Variants in SMARCD3 observed in about 807,000 individuals in gnomAD.
SMARCD3 encodes SWI/SNF related BAF chromatin remodeling complex subunit D3.
Under a neutral mutation model 58.0 loss-of-function variants are expected in SMARCD3, and 14 were observed. That is an observed-to-expected ratio of 0.24 (90% CI 0.16 to 0.38). The LOEUF (loss-of-function observed/expected upper bound fraction) is 0.38, where lower values mean the gene tolerates loss of function less well. SMARCD3 is among the 10% of genes least tolerant of loss of function. SMARCD3 has a pLI of 1.00. For synonymous variants in SMARCD3, 253 were observed against 253.8 expected, an observed-to-expected ratio of 1.00 and a Z score of 0.03; for missense variants, 408 against 636.9, an observed-to-expected ratio of 0.64 and a Z score of 3.87.
At chr7:151,264,012 G>A (rs1278092486) in intron 2 of SMARCD3, among the ~76,000 whole-genome samples, 2 of 151,262 alleles carry the variant, frequency 1.3e-5, no homozygotes, top group East Asian at 3.9e-4. Context: ...CTCTTGACCT[G>A]CAATGATCAG....
rs755924516 is a variant in SMARCD3 at position 151,248,690 on chromosome 7, G to C, written c.-128C>G. 2.1e-6 allele frequency: 3 copies of C among 1,404,388 alleles called. No homozygotes were observed. Among genetic ancestry groups the C allele is most frequent in the Non-Finnish European group, 2.8e-6 (3 of 1,068,364 alleles). 87.0% of individuals were successfully genotyped at this position (1,404,388 alleles called of 1,614,324 possible). On this transcript the variant is annotated 5_prime_UTR_variant, in exon 1 of 13. Coordinates refer to ENST00000262188, the MANE Select transcript of SMARCD3 (RefSeq NM_001003801.2). The surrounding 1 kb of genome is among the most constrained non-coding windows in gnomAD (Gnocchi z 6.1). ...GGCTCTCTCACACTTCTACTCGAGC[G>C]GAGTGGGGAGGGGGCCCCTTCAGGG...
At chr7:151,240,289 T>C in intron 9 of SMARCD3, 42 bp from the exon 10 acceptor site, 1 of 1,456,664 alleles carries the variant, frequency 6.9e-7, no homozygotes, top group Non-Finnish European at 9.0e-7. Flanking sequence ...GATGCCCCCA[T>C]ACGGCCCCAG....
Position 151,241,359 on chromosome 7 carries a change from G to C in SMARCD3, c.939+133C>G. 1 of 810,076 alleles carries C rather than the reference G, an allele frequency of 1.2e-6. No individual in the cohort carries two copies. Among genetic ancestry groups the C allele is most frequent in the Non-Finnish European group, 2.1e-6 (1 of 479,724 alleles). The allele number at this position is 810,076 out of a possible 1,614,324, so 50.2% of individuals were successfully genotyped here. A position where few individuals can be genotyped will look rare whatever the true frequency, so the allele number is the denominator to read the frequency against. Reference sequence around the variant, plus strand: ...ATCCTGGTCGGTCTCTTGGCTCCAAGACCATGACTGTGTACTGCTTCTGCT... The same window carrying C: ...ATCCTGGTCGGTCTCTTGGCTCCAACACCATGACTGTGTACTGCTTCTGCT... On this transcript the variant is annotated intron_variant, in intron 8 of 12. Transcript: ENST00000262188. The surrounding 1 kb of genome is among the most constrained non-coding windows in gnomAD (Gnocchi z 5.3).
chr7:151,263,137 G>A (rs1803970351), intron 2 of SMARCD3, among the ~76,000 whole-genome samples: 1 of 152,190 alleles, frequency 6.6e-6, no homozygotes, highest in Admixed American at 6.5e-5. Flanking sequence ...AGAGCTAGTA[G>A]GGGTAGAGCT....
intron 8 of SMARCD3, chr7:151,240,911 A>C: frequency 3.8e-6 from 1 of 264,306 alleles, no homozygotes; most frequent in Non-Finnish European, 7.3e-6. Context: ...AATACACATA[A>C]AGTGCTTGGG....
intron 2 of SMARCD3, chr7:151,275,058 T>G (rs1795300165): frequency 6.7e-7 from 1 of 1,498,180 alleles, no homozygotes; most frequent in Non-Finnish European, 9.2e-7. Flanking sequence ...GCTGGCCGAC[T>G]CGCCATGGGG....
chr7:151,275,322 A>T lies in SMARCD3; in HGVS notation c.-99-71T>A, dbSNP rs553437891. The T allele has an allele frequency of 1.2e-5, 8 of 651,600 alleles. No individual in the cohort carries two copies. In the Admixed American group the frequency reaches 1.7e-4, roughly 14 times the overall value. The allele number at this position is 651,600 out of a possible 1,614,324, so 40.4% of individuals were successfully genotyped here. On this transcript the variant is annotated intron_variant, in intron 1 of 13. Transcript: ENST00000356800. ...GGCCTCGGGAAGCTGCGAAGAAGCCAAACTCCCCGGAGTGGAGGTCTGAGG... is the reference window on the plus strand; with the variant it reads ...GGCCTCGGGAAGCTGCGAAGAAGCCTAACTCCCCGGAGTGGAGGTCTGAGG...
chr7:151,243,633 TGG>T lies in SMARCD3; in HGVS notation c.333+24_333+25del. 1 of 1,308,750 alleles carries T rather than the reference TGG, an allele frequency of 7.6e-7. No individual in the cohort carries two copies. The highest frequency in any genetic ancestry group is 1.1e-6 in the Non-Finnish European group (1 of 910,820). 81.1% of individuals were successfully genotyped at this position (1,308,750 alleles called of 1,614,324 possible). On this transcript the variant is annotated intron_variant, in intron 3 of 12. Coordinates refer to ENST00000262188, the MANE Select transcript of SMARCD3 (RefSeq NM_001003801.2). The surrounding 1 kb of genome is among the most constrained non-coding windows in gnomAD (Gnocchi z 4.4). ...GAGCAGCAAAGGGTGGGGGGTGGGC[TGG>T]GGGCTGCTGTGAAAGGCACTCACCC...
At position 151,243,572 on chromosome 7, in the gene SMARCD3, G is replaced by A. The variant is rs1563654167; in HGVS notation, c.333+87C>T. 1.0e-5 allele frequency: 8 copies of A among 792,298 alleles called. No homozygotes were observed. The highest frequency in any genetic ancestry group is 1.8e-5 in the Non-Finnish European group (8 of 449,180). 49.1% of individuals were successfully genotyped at this position (792,298 alleles called of 1,614,324 possible). A position where few individuals can be genotyped will look rare whatever the true frequency, so the allele number is the denominator to read the frequency against. ...AACAAAAAGTGAAAGTGACTGTGAT[G>A]CTGAAGCTCTGCTTCTGAGGGGGGA... On this transcript the variant is annotated intron_variant, in intron 3 of 12. Coordinates refer to ENST00000262188, the MANE Select transcript of SMARCD3 (RefSeq NM_001003801.2). The surrounding 1 kb of genome is among the most constrained non-coding windows in gnomAD (Gnocchi z 4.4).
chr7:151,272,050 T>C (rs1795189949), intron 2 of SMARCD3, among the ~76,000 whole-genome samples: 1 of 152,208 alleles, frequency 6.6e-6, no homozygotes, highest in Non-Finnish European at 1.5e-5. Flanking sequence ...ATATTACCAG[T>C]AGGTTTATGG....
chr7:151,265,473 T>A (rs1804051330), intron 2 of SMARCD3, among the ~76,000 whole-genome samples: 1 of 152,224 alleles, frequency 6.6e-6, no homozygotes, highest in Non-Finnish European at 1.5e-5. Flanking sequence ...CTGCCAGGTC[T>A]GCGGTCCTTT....
upstream of SMARCD3, among the ~76,000 whole-genome samples, chr7:151,253,174 G>C (rs899393798): frequency 2.0e-5 from 3 of 152,152 alleles, no homozygotes; most frequent in Non-Finnish European, 4.4e-5. Flanking sequence ...GGAGCAGAGC[G>C]ACGGAGCTGT....
rs771082458 is a variant in SMARCD3 at position 151,241,453 on chromosome 7, G to T, written c.939+39C>A. 10 of 1,583,496 alleles carry T rather than the reference G, an allele frequency of 6.3e-6. No individual in the cohort carries two copies. The highest frequency in any genetic ancestry group is 4.3e-6 in the Non-Finnish European group (5 of 1,158,374). On this transcript the variant is annotated intron_variant, in intron 8 of 12. Transcript: ENST00000262188. The surrounding 1 kb of genome is among the most constrained non-coding windows in gnomAD (Gnocchi z 5.3). ...GGTACTTCCCCTGCTGGAGAACTCC[G>T]CCTGCTCCCCAGATCCCAGGGTTCA...
At position 151,240,907 on chromosome 7, in the gene SMARCD3, C is replaced by T. The variant is rs115433982; in HGVS notation, c.940-385G>A. On this transcript the variant is annotated intron_variant, in intron 8 of 12. Coordinates refer to ENST00000262188, the MANE Select transcript of SMARCD3 (RefSeq NM_001003801.2). ...CGTGAGAAGTCAGTGAACTAATACA[C>T]ATAAAGTGCTTGGGACAGTGCCTGG... 6.7e-3 allele frequency: 1,808 copies of T among 269,448 alleles called. 44 individuals are homozygous for T. Among genetic ancestry groups the T allele is most frequent in the African/African-American group, 0.038 (1,691 of 44,908 alleles). The allele number at this position is 269,448 out of a possible 1,614,324, so 16.7% of individuals were successfully genotyped here. A position where few individuals can be genotyped will look rare whatever the true frequency, so the allele number is the denominator to read the frequency against.
Position 151,241,486 on chromosome 7 carries a change from G to A in SMARCD3, c.939+6C>T, listed in dbSNP as rs1195003756. On this transcript the variant is annotated splice_donor_region_variant and intron_variant, in intron 8 of 12. Coordinates refer to ENST00000262188, the MANE Select transcript of SMARCD3 (RefSeq NM_001003801.2). This position sits in a 1 kb window ranked among gnomAD's most constrained non-coding sequence, Gnocchi z 5.3. ...CCCAGATCCCAGGGTTCAGGAGAGA[G>A]GTTACCTGCTGGAAATACTTGTCCC... 2 of 1,610,606 alleles carry A rather than the reference G, an allele frequency of 1.2e-6. No individual in the cohort carries two copies. The highest frequency in any genetic ancestry group is 1.7e-6 in the Non-Finnish European group (2 of 1,178,502).
At chr7:151,269,304 G>C (rs116135763) in intron 2 of SMARCD3, among the ~76,000 whole-genome samples, 1 of 152,078 alleles carries the variant, frequency 6.6e-6, no homozygotes, top group East Asian at 1.9e-4. Context: ...GCCCCCACGG[G>C]GGACACCTTC....
intron 2 of SMARCD3, among the ~76,000 whole-genome samples, chr7:151,267,963 C>G (rs1193091170): frequency 6.6e-6 from 1 of 152,198 alleles, no homozygotes; most frequent in Non-Finnish European, 1.5e-5. Context: ...GGCGACAGAG[C>G]TGAGATCCTG....
In SMARCD3 at chr7:151,245,572, G is replaced by A; in HGVS notation, c.178C>T (p.Leu60=). The A allele has an allele frequency of 8.5e-7, 1 of 1,171,788 alleles. No individual in the cohort carries two copies. The highest frequency in any genetic ancestry group is 4.3e-5 in the South Asian group (1 of 23,328). 72.6% of individuals were successfully genotyped at this position (1,171,788 alleles called of 1,614,324 possible). ...YMGSPAVRPG[L]APAGMEPARK... is the part of the protein sequence containing the mutation. ...GCGGGCTCCATGCCCGCGGGGGCCA[G>A]GCCGGGTCGCACGGCGGGGCTGCCC... The change falls in exon 2 of 13, where the codon CTG becomes TTG. Residue 60 remains leucine, a synonymous_variant. Coordinates refer to ENST00000262188, the MANE Select transcript of SMARCD3 (RefSeq NM_001003801.2). This position sits in a 1 kb window ranked among gnomAD's most constrained non-coding sequence, Gnocchi z 6.2.
At chr7:151,259,550 C>T (rs58188871) in intron 2 of SMARCD3, among the ~76,000 whole-genome samples, 10,509 of 147,100 alleles carry the variant, frequency 0.071, 1,308 homozygotes, top group African/African-American at 0.25. Flanking sequence ...CAAGCCCGTT[C>T]AGGATCTTCA....
Sources: allele counts gnomAD v4.1 joint callset (sites outside exome capture counted in the v4.1 genomes callset), GRCh38; gene constraint gnomAD v4.1.1; non-coding constraint Gnocchi (gnomAD v3.1); transcripts MANE v1.5; gene names NCBI Gene and HGNC (gene_info 2026-07-23, HGNC 2026-07-21).